Variants in AGTPBP1 observed in about 807,000 individuals in gnomAD.
The protein encoded by AGTPBP1 is cytosolic carboxypeptidase 1.
In AGTPBP1, 70 loss-of-function variants were observed where a neutral mutation model predicts 143.9. The observed-to-expected ratio is 0.49, with a 90% confidence interval of 0.40 to 0.59. The LOEUF is 0.59. Ranked by LOEUF, AGTPBP1 falls within the 20% of genes least tolerant of loss-of-function variation. The pLI is 0.00. For missense variants in AGTPBP1, 1,229 were observed against 1,464.5 expected (o/e 0.84, Z 2.62); for synonymous variants, 463 against 500.2 (o/e 0.93, Z 0.99).
intron 10 of AGTPBP1, among the ~76,000 whole-genome samples, chr9:85,656,060 C>T (rs1232455822): frequency 6.6e-6 from 1 of 152,178 alleles, no homozygotes; most frequent in African/African-American, 2.4e-5. Flanking sequence ...ATCTTCTGAC[C>T]TCGTGATCCG....
At chr9:85,560,533 T>C (rs1826642129) in intron 25 of AGTPBP1, among the ~76,000 whole-genome samples, 1 of 152,036 alleles carries the variant, frequency 6.6e-6, no homozygotes, top group Non-Finnish European at 1.5e-5. Flanking sequence ...CGAAAGTAAA[T>C]CCTATTGAGC....
At chr9:85,720,458 T>C (rs1471044890) in intron 1 of AGTPBP1, among the ~76,000 whole-genome samples, 1 of 152,264 alleles carries the variant, frequency 6.6e-6, no homozygotes, top group Non-Finnish European at 1.5e-5. Context: ...TAGAACTATT[T>C]ATAGTATTCT....
At chr9:85,756,200 C>T in the AGTPBP1 span, 1 of 1,607,126 alleles carries the variant, frequency 6.2e-7, no homozygotes, top group Non-Finnish European at 8.5e-7. Context: ...GAAGGAGGCT[C>T]TGTTACAGGA....
the AGTPBP1 span, among the ~76,000 whole-genome samples, chr9:85,800,399 G>A: frequency 6.6e-6 from 1 of 152,168 alleles, no homozygotes; most frequent in African/African-American, 2.4e-5. Context: ...CTTCTGGCTA[G>A]TTCTGCCTTC....
chr9:85,710,934 C>G (rs1301302520), intron 2 of AGTPBP1, among the ~76,000 whole-genome samples: 1 of 151,958 alleles, frequency 6.6e-6, no homozygotes, highest in African/African-American at 2.4e-5. Flanking sequence ...TAATTCCTTT[C>G]CTATAGAAAT....
intron 1 of AGTPBP1, among the ~76,000 whole-genome samples, chr9:85,717,048 A>C (rs747158734): frequency 2.8e-4 from 42 of 152,042 alleles, no homozygotes; most frequent in Non-Finnish European, 5.3e-4. Context: ...TAACTCCACC[A>C]CTTCCATTGC....
intron 1 of AGTPBP1, among the ~76,000 whole-genome samples, chr9:85,728,431 C>T (rs1257051207): frequency 6.6e-6 from 1 of 152,014 alleles, no homozygotes; most frequent in Non-Finnish European, 1.5e-5. Context: ...TGATCTACCC[C>T]TAAAAAAGTT....
chr9:85,802,837 A>G, the AGTPBP1 span, among the ~76,000 whole-genome samples: 96 of 152,344 alleles, frequency 6.3e-4, no homozygotes, highest in Non-Finnish European at 1.2e-3. Flanking sequence ...CAGCTGGCAG[A>G]AAGGAAAATG....
chr9:85,651,278 T>C (rs950037982), intron 11 of AGTPBP1, among the ~76,000 whole-genome samples: 3 of 152,204 alleles, frequency 2.0e-5, no homozygotes, highest in African/African-American at 4.8e-5. Context: ...TGTATTTCTA[T>C]GGGTCAATGG....
intron 17 of AGTPBP1, among the ~76,000 whole-genome samples, chr9:85,597,711 T>G (rs1214003555): frequency 6.6e-6 from 1 of 152,188 alleles, no homozygotes; most frequent in Non-Finnish European, 1.5e-5. Context: ...TTCACAGTTT[T>G]AATTACTTCA....
intron 14 of AGTPBP1, among the ~76,000 whole-genome samples, chr9:85,624,345 TG>T (rs1323777186): frequency 6.6e-6 from 1 of 152,174 alleles, no homozygotes; most frequent in African/African-American, 2.4e-5. Flanking sequence ...TTACCAGTAG[TG>T]TAACTCAACA....
chr9:85,707,909 G>C (rs1337179674), intron 2 of AGTPBP1, among the ~76,000 whole-genome samples: 1 of 146,272 alleles, frequency 6.8e-6, no homozygotes, highest in East Asian at 2.0e-4. Flanking sequence ...ACTGAGGCCT[G>C]TTCGGGGGTG....
At chr9:85,767,136 T>C in the AGTPBP1 span, among the ~76,000 whole-genome samples, 1 of 150,932 alleles carries the variant, frequency 6.6e-6, no homozygotes, top group South Asian at 2.1e-4. Context: ...TATGTTTCTC[T>C]AATCTTTTAA....
chr9:85,785,347 C>A, the AGTPBP1 span, among the ~76,000 whole-genome samples: 19 of 149,382 alleles, frequency 1.3e-4, no homozygotes, highest in African/African-American at 4.4e-4. Context: ...AAAAAACAAA[C>A]AAAAAACTTT....
chr9:85,674,534 GT>G (rs1834703865), intron 6 of AGTPBP1, among the ~76,000 whole-genome samples: 1 of 151,688 alleles, frequency 6.6e-6, no homozygotes, highest in Non-Finnish European at 1.5e-5. Flanking sequence ...CCAAATTATG[GT>G]TTTCTTATTT....
intron 2 of AGTPBP1, among the ~76,000 whole-genome samples, chr9:85,695,864 CAG>C (rs1186756275): frequency 1.3e-5 from 2 of 149,188 alleles, no homozygotes; most frequent in East Asian, 2.0e-4. Flanking sequence ...TTTTTTCAGA[CAG>C]AGTCTCGCGC....
At chr9:85,751,918 C>T in the AGTPBP1 span, among the ~76,000 whole-genome samples, 1 of 151,172 alleles carries the variant, frequency 6.6e-6, no homozygotes, top group Non-Finnish European at 1.5e-5. Flanking sequence ...CATCGCACCT[C>T]TTGACTTGAC....
intron 14 of AGTPBP1, among the ~76,000 whole-genome samples, chr9:85,630,646 A>AT (rs1446079552): frequency 6.6e-6 from 1 of 151,972 alleles, no homozygotes; most frequent in Non-Finnish European, 1.5e-5. Context: ...CACCTGGCTA[A>AT]TTTTTGTGTT....
intron 11 of AGTPBP1, among the ~76,000 whole-genome samples, chr9:85,646,809 G>C (rs778187508): frequency 1.3e-5 from 2 of 152,018 alleles, no homozygotes; most frequent in African/African-American, 2.4e-5. Context: ...TATATGCTGG[G>C]AATTTTTTCA....
Sources: allele counts gnomAD v4.1 joint callset (sites outside exome capture counted in the v4.1 genomes callset), GRCh38; gene constraint gnomAD v4.1.1; transcripts MANE v1.5; gene names NCBI Gene and HGNC (gene_info 2026-07-23, HGNC 2026-07-21).